The following ZC3H11A variants were observed in gnomAD, a reference collection of about 807,000 sequenced individuals.
The protein encoded by ZC3H11A is zinc finger CCCH-type containing 11A.
A neutral mutation model predicts 90.8 loss-of-function variants in ZC3H11A; 22 were observed. The observed-to-expected ratio is 0.24, with a 90% CI of 0.17 to 0.35. The LOEUF is 0.35. ZC3H11A is among the 10% of genes least tolerant of loss of function. The pLI is 1.00. For missense variants in ZC3H11A, 701 were observed against 964.9 expected (o/e 0.73, Z 3.62); for synonymous variants, 294 against 339.8 (o/e 0.87, Z 1.48).
intron 4 of ZC3H11A, among the ~76,000 whole-genome samples, chr1:203,821,421 T>A (rs1254134277): frequency 6.6e-6 from 1 of 152,224 alleles, no homozygotes; most frequent in Non-Finnish European, 1.5e-5. Flanking sequence ...ACTCTGTTAC[T>A]ATCATTACTT....
At chr1:203,828,630 G>A (rs1158301679) in intron 5 of ZC3H11A, among the ~76,000 whole-genome samples, 2 of 152,096 alleles carry the variant, frequency 1.3e-5, no homozygotes, top group African/African-American at 4.8e-5. Context: ...TGCCATTTAA[G>A]TTATTATACT....
chr1:203,803,481 G>A lies in ZC3H11A; in HGVS notation c.-146+465G>A, dbSNP rs575705449. On this transcript the variant is annotated intron_variant, in intron 2 of 17. Coordinates refer to ENST00000367210, the MANE Select transcript of ZC3H11A (RefSeq NM_001376342.1). ...GCTGGGATTACAGGCATGAGCCACCGCCTCTGGCCCATAGTTTTTCTTTCT... is the reference window on the plus strand; with the variant it reads ...GCTGGGATTACAGGCATGAGCCACCACCTCTGGCCCATAGTTTTTCTTTCT... 5.8e-4 allele frequency among the ~76,000 whole-genome samples: 89 copies of A among 152,220 alleles called. 1 individual carries two copies. The highest frequency in any genetic ancestry group is 2.0e-3 in the African/African-American group (84 of 41,530).
intron 16 of ZC3H11A, 71 bp downstream of exon 16, chr1:203,850,752 T>C: frequency 6.5e-7 from 1 of 1,546,938 alleles, no homozygotes; most frequent in Non-Finnish European, 8.8e-7. Context: ...AACTCTCCAC[T>C]AGCATTCTAT....
At position 203,830,215 on chromosome 1, in the gene ZC3H11A, C is replaced by T. The variant is rs12239438; in HGVS notation, c.700+12C>T. The stretch of plus-strand genomic sequence containing the variant: ...TAAGAAGCAAGGTGGTAAGTCATCA[C>T]GTTTTGGCATGGATAGTTGTATGTT... On this transcript the variant is annotated intron_variant, in intron 8 of 17. Transcript: ENST00000367210. The T allele has an allele frequency of 0.13, 202,098 of 1,582,188 alleles. 14,478 individuals are homozygous for T. The highest frequency in any genetic ancestry group is 0.14 in the Non-Finnish European group (166,194 of 1,165,224).
At chr1:203,850,471 G>T (rs751052997) in intron 15 of ZC3H11A, 44 bp from the exon 16 acceptor site, 1 of 1,606,662 alleles carries the variant, frequency 6.2e-7, no homozygotes, top group Non-Finnish European at 8.5e-7. Flanking sequence ...CCATTTAAAA[G>T]AGTCTATTCT....
At chr1:203,803,310 G>A (rs977944127) in intron 2 of ZC3H11A, among the ~76,000 whole-genome samples, 25 of 152,142 alleles carry the variant, frequency 1.6e-4, no homozygotes, top group Admixed American at 1.5e-3. Context: ...TCCTGCCTCA[G>A]CCTCCTGGGT....
At chr1:203,819,027 C>T (rs1465579218) in intron 4 of ZC3H11A, among the ~76,000 whole-genome samples, 2 of 150,324 alleles carry the variant, frequency 1.3e-5, no homozygotes, top group Non-Finnish European at 3.0e-5. Context: ...TGAGATCGCA[C>T]CACTGCACTC....
intron 2 of ZC3H11A, among the ~76,000 whole-genome samples, chr1:203,809,178 T>TG (rs1404140673): frequency 1.4e-5 from 2 of 139,046 alleles, no homozygotes; most frequent in African/African-American, 5.4e-5. Flanking sequence ...CACTGTTTTT[T>TG]TTTTTTTTTT....
chr1:203,816,436 C>CAACAT (rs1354984125), intron 2 of ZC3H11A, among the ~76,000 whole-genome samples: 1 of 151,986 alleles, frequency 6.6e-6, no homozygotes, highest in African/African-American at 2.4e-5. Flanking sequence ...CCAGACTGAA[C>CAACAT]AACATAGCAA....
chr1:203,852,069 TCC>T, intron 17 of ZC3H11A, 70 bp from the exon 18 acceptor site: 5 of 1,579,782 alleles, frequency 3.2e-6, no homozygotes, highest in Non-Finnish European at 4.3e-6. Context: ...TCACTTTGTG[TCC>T]GTGAGACTAG....
chr1:203,799,218 TC>T, intron 1 of ZC3H11A: 1 of 944,244 alleles, frequency 1.1e-6, no homozygotes. Flanking sequence ...TTCTGACAAT[TC>T]CTCTAATGTG....
At chr1:203,831,107 G>A (rs1682198790) in intron 8 of ZC3H11A, among the ~76,000 whole-genome samples, 2 of 151,628 alleles carry the variant, frequency 1.3e-5, no homozygotes, top group South Asian at 2.1e-4. Context: ...ACCACGCCTG[G>A]GTAATTTTGT....
intron 4 of ZC3H11A, among the ~76,000 whole-genome samples, chr1:203,821,201 C>G (rs568397733): frequency 1.3e-5 from 2 of 152,116 alleles, no homozygotes; most frequent in African/African-American, 4.8e-5. Context: ...TGCTCGCGCT[C>G]TCTTGCTGCC....
intron 1 of ZC3H11A, chr1:203,796,751 T>A: frequency 3.3e-6 from 1 of 306,328 alleles, no homozygotes; most frequent in Non-Finnish European, 5.9e-6. Flanking sequence ...TAAAAATATC[T>A]GAAAACTAAA....
chr1:203,838,972 A>AAAG (rs1156614318), intron 11 of ZC3H11A, among the ~76,000 whole-genome samples: 2 of 151,236 alleles, frequency 1.3e-5, no homozygotes, highest in African/African-American at 2.4e-5. Flanking sequence ...AAAAAAAAAA[A>AAAG]AAAGAAAGAA....
intron 5 of ZC3H11A, chr1:203,829,220 A>G (rs2103007696): frequency 1.8e-6 from 1 of 570,522 alleles, no homozygotes; most frequent in African/African-American, 1.9e-5. Context: ...TCTTCTGTTG[A>G]TTCTGTTTTG....
chr1:203,820,152 T>G (rs1227850828), intron 4 of ZC3H11A, among the ~76,000 whole-genome samples: 1 of 151,686 alleles, frequency 6.6e-6, no homozygotes, highest in Non-Finnish European at 1.5e-5. Context: ...GGAGAATCGC[T>G]TGAACCTGGG....
intron 1 of ZC3H11A, chr1:203,798,928 TCTTAA>T (rs1669609039): frequency 7.8e-6 from 12 of 1,536,008 alleles, no homozygotes; most frequent in African/African-American, 1.4e-5. Flanking sequence ...GAAAAAATTT[TCTTAA>T]CTTTAGAGAA....
chr1:203,818,978 A>C (rs1331468824), intron 4 of ZC3H11A, among the ~76,000 whole-genome samples: 1 of 151,370 alleles, frequency 6.6e-6, no homozygotes, highest in African/African-American at 2.4e-5. Context: ...CTGAGGCAGG[A>C]AAATCGCTCG....
Sources: gnomAD v4.1 joint callset for allele counts (sites outside exome capture counted in the v4.1 genomes callset) on GRCh38, gnomAD v4.1.1 for gene constraint, MANE v1.5 for transcripts, NCBI Gene and HGNC (gene_info 2026-07-23, HGNC 2026-07-21) for gene names.